Variants in MAD1L1 observed in about 807,000 individuals in gnomAD.
MAD1L1 encodes the protein mitotic spindle assembly checkpoint protein MAD1.
Under a neutral mutation model 96.9 loss-of-function variants are expected in MAD1L1, and 95 were observed. The observed-to-expected ratio is 0.98, with a 90% confidence interval of 0.83 to 1.16. The LOEUF (loss-of-function observed/expected upper bound fraction) is 1.16, where lower values mean the gene tolerates loss of function less well. Among genes scored for constraint, MAD1L1 ranks in the 50% most tolerant of loss-of-function variants. The pLI is 0.00. For missense variants in MAD1L1, 1,007 were observed against 954.4 expected, an observed-to-expected ratio of 1.06 and a Z score of -0.73; for synonymous variants, 473 against 396.6, an observed-to-expected ratio of 1.19 and a Z score of -2.29.
At chr7:2,014,380 C>A in intron 13 of MAD1L1, 122 bp downstream of exon 13, 1 of 1,327,508 alleles carries the variant, frequency 7.5e-7, no homozygotes, top group South Asian at 1.5e-5. Flanking sequence ...TGACAGACAC[C>A]TGCCAGCCGG....
intron 11 of MAD1L1, among the ~76,000 whole-genome samples, chr7:2,133,051 A>ACTG: frequency 6.9e-6 from 1 of 145,408 alleles, no homozygotes; most frequent in Middle Eastern, 4.3e-3. Context: ...ACCCATTTTC[A>ACTG]ATGCTGAGCA....
intron 11 of MAD1L1, among the ~76,000 whole-genome samples, chr7:2,123,719 C>T (rs1248588789): frequency 1.3e-5 from 2 of 152,206 alleles, no homozygotes; most frequent in African/African-American, 2.4e-5. Context: ...ACTTCGCAGG[C>T]GGCGCTGAAT....
At chr7:1,915,468 G>C (rs981310097) in intron 17 of MAD1L1, among the ~76,000 whole-genome samples, 4 of 152,176 alleles carry the variant, frequency 2.6e-5, no homozygotes, top group Admixed American at 2.0e-4. Context: ...TGCTGAGGAC[G>C]GTCAGGGGCA....
chr7:2,221,166 C>G, intron 5 of MAD1L1: 1 of 721,354 alleles, frequency 1.4e-6, no homozygotes, highest in Non-Finnish European at 2.3e-6. Context: ...CCCCACCGGG[C>G]ACCGCCCTGC....
intron 10 of MAD1L1, among the ~76,000 whole-genome samples, chr7:2,196,755 G>C (rs1476670907): frequency 1.3e-5 from 2 of 152,244 alleles, no homozygotes; most frequent in Non-Finnish European, 2.9e-5. Context: ...ACCCTCTTCA[G>C]AAGTCAGAAG....
In MAD1L1 at chr7:1,882,635, G is replaced by A. The variant is rs115405246; in HGVS notation, c.1998+15565C>T. 8.3e-4 allele frequency among the ~76,000 whole-genome samples: 127 copies of A among 152,274 alleles called. 1 individual carries two copies. The highest frequency in any genetic ancestry group is 2.8e-3 in the African/African-American group (115 of 41,554). On this transcript the variant is annotated intron_variant, in intron 18 of 18. Transcript: ENST00000265854. ...TCCTTTCCTCAGCCAGGCCTGGAGC[G>A]TGAGCACCTCTGAGGATGCCACACA...
intron 11 of MAD1L1, among the ~76,000 whole-genome samples, chr7:2,117,329 C>T (rs923746277): frequency 6.6e-5 from 10 of 152,214 alleles, no homozygotes; most frequent in African/African-American, 2.4e-4. Context: ...ACTGCTGGTG[C>T]GGACGGCACA....
chr7:1,915,297 G>A (rs996798184), intron 17 of MAD1L1, among the ~76,000 whole-genome samples: 4 of 152,198 alleles, frequency 2.6e-5, no homozygotes, highest in Admixed American at 6.5e-5. Context: ...ACAGAGAACC[G>A]CAGCCGGGAG....
rs1269088899 is a variant in MAD1L1 at position 1,843,183 on chromosome 7, C to G, written c.1999-26955G>C. Among the ~76,000 whole-genome samples, 3 of 152,220 alleles carry G rather than the reference C, an allele frequency of 2.0e-5. No individual in the cohort carries two copies. The East Asian group carries it at 5.8e-4, about 29-fold the overall frequency. On this transcript the variant is annotated intron_variant, in intron 18 of 18. Transcript: ENST00000265854. ...GGGTCTGGGTGCCCTCGTTGCCCTA[C>G]TCCTCTGAAAGCGAGCCAGGTTCAC...
At chr7:2,066,973 G>A (rs4719416) in intron 12 of MAD1L1, among the ~76,000 whole-genome samples, 41,059 of 152,120 alleles carry the variant, frequency 0.27, 5,938 homozygotes, top group African/African-American at 0.35. Context: ...GAGGCCGGGC[G>A]GGGCTGCCCT....
At chr7:1,881,031 A>T (rs1193408129) in intron 18 of MAD1L1, among the ~76,000 whole-genome samples, 2 of 152,172 alleles carry the variant, frequency 1.3e-5, no homozygotes, top group African/African-American at 4.8e-5. Flanking sequence ...CCTTAGGTGA[A>T]CCAGGGCCCC....
chr7:2,081,460 T>G (rs1268084887), intron 11 of MAD1L1, among the ~76,000 whole-genome samples: 1 of 152,254 alleles, frequency 6.6e-6, no homozygotes, highest in African/African-American at 2.4e-5. Context: ...AGGACACATC[T>G]CAGCTGGAGG....
intron 18 of MAD1L1, among the ~76,000 whole-genome samples, chr7:1,841,069 C>T (rs1417153663): frequency 6.6e-6 from 1 of 152,184 alleles, no homozygotes; most frequent in Non-Finnish European, 1.5e-5. Context: ...AGGCCGCTCC[C>T]GGGCCGGCTC....
chr7:1,909,939 GCGC>G (rs1787910967), intron 17 of MAD1L1, among the ~76,000 whole-genome samples: 5 of 152,180 alleles, frequency 3.3e-5, no homozygotes, highest in Non-Finnish European at 5.9e-5. Context: ...CACCTGGCAG[GCGC>G]TGGCTGGGTG....
Position 2,002,075 on chromosome 7 carries a change from C to T in MAD1L1, c.1406G>A (p.Arg469Lys), listed in dbSNP as rs866326074. Residue 469 changes from arginine to lysine, a missense_variant, in exon 14 of 19, where the codon AGA becomes AAA. By Grantham distance (26) the Arg-to-Lys change is conservative. Transcript: ENST00000265854. ...CCGCGTCTGACTCACCATGTCTGCT[C>T]TTTGTTTCTGGCCTCCCAGCTCCTC... is the stretch of plus-strand genomic sequence containing the variant. ...ALEELGGQKQ[R>K]ADMLEMELKM... 6.2e-7 allele frequency: 1 copy of T among 1,613,400 alleles called. No individual in the cohort carries two copies. Among genetic ancestry groups the T allele is most frequent in the Non-Finnish European group, 8.5e-7 (1 of 1,180,018 alleles).
intron 11 of MAD1L1, among the ~76,000 whole-genome samples, chr7:2,139,979 T>C (rs1182325174): frequency 6.6e-5 from 10 of 151,272 alleles, no homozygotes; most frequent in Admixed American, 2.0e-4. Context: ...TATGGTCTAC[T>C]ATCTGGACCC....
At chr7:2,221,675 A>T (rs2115008276) in intron 5 of MAD1L1, among the ~76,000 whole-genome samples, 1 of 152,320 alleles carries the variant, frequency 6.6e-6, no homozygotes, top group African/African-American at 2.4e-5. Flanking sequence ...TGCAGTTCAC[A>T]CAGGCTCCAG....
intron 3 of MAD1L1, 145 bp downstream of exon 3, chr7:2,229,839 T>A (rs1794102667): frequency 1.2e-6 from 1 of 844,978 alleles, no homozygotes; most frequent in South Asian, 2.0e-5. Context: ...AAATGAGGAG[T>A]GCCCATAGTG....
intron 18 of MAD1L1, among the ~76,000 whole-genome samples, chr7:1,856,548 C>T (rs1484304850): frequency 1.3e-5 from 2 of 152,242 alleles, no homozygotes; most frequent in East Asian, 1.9e-4. Flanking sequence ...GGGGCCTGCT[C>T]GCTCTCTGCT....
Sources: gnomAD v4.1 joint callset for allele counts (sites outside exome capture counted in the v4.1 genomes callset) on GRCh38, gnomAD v4.1.1 for gene constraint, MANE v1.5 for transcripts, NCBI Gene and HGNC (gene_info 2026-07-23, HGNC 2026-07-21) for gene names.